Variants in MYRIP observed in about 807,000 individuals in gnomAD.
MYRIP encodes the protein myosin VIIA and Rab interacting protein.
A neutral mutation model predicts 98.0 loss-of-function variants in MYRIP; 49 were observed. That is an observed-to-expected ratio of 0.50 (90% CI 0.40 to 0.63). The LOEUF (loss-of-function observed/expected upper bound fraction) is 0.63, where lower values mean the gene tolerates loss of function less well. MYRIP is among the 30% of genes least tolerant of loss of function. MYRIP has a pLI of 0.00. For missense variants in MYRIP, 1,004 were observed against 1,058.2 expected, an observed-to-expected ratio of 0.95 and a Z score of 0.71; for synonymous variants, 404 against 409.5, an observed-to-expected ratio of 0.99 and a Z score of 0.16.
intron 3 of MYRIP, among the ~76,000 whole-genome samples, chr3:40,057,797 A>G (rs576661712): frequency 1.5e-4 from 23 of 152,326 alleles, no homozygotes; most frequent in African/African-American, 5.5e-4. Context: ...TCCTATATCC[A>G]TGCATTAAGT....
chr3:39,952,337 G>T (rs1945037460), intron 2 of MYRIP, among the ~76,000 whole-genome samples: 2 of 152,068 alleles, frequency 1.3e-5, no homozygotes, highest in South Asian at 4.1e-4. Context: ...TAATGATGCT[G>T]CTGTGAAGAA....
At chr3:39,853,735 C>T (rs985621145) in intron 1 of MYRIP, among the ~76,000 whole-genome samples, 1 of 151,990 alleles carries the variant, frequency 6.6e-6, no homozygotes, top group Non-Finnish European at 1.5e-5. Context: ...ATTTCTTTTG[C>T]TGTGCAGAAG....
intron 2 of MYRIP, among the ~76,000 whole-genome samples, chr3:39,995,304 A>G (rs1055217092): frequency 6.6e-6 from 1 of 152,194 alleles, no homozygotes; most frequent in Non-Finnish European, 1.5e-5. Context: ...AATTAGATGA[A>G]TGGCTAACTA....
intron 3 of MYRIP, among the ~76,000 whole-genome samples, chr3:40,114,475 A>G (rs554712881): frequency 1.3e-5 from 2 of 152,354 alleles, no homozygotes; most frequent in East Asian, 3.9e-4. Flanking sequence ...CATAGCTAAC[A>G]TCAAAAGACA....
chr3:40,131,236 A>G (rs1442222303), intron 3 of MYRIP, among the ~76,000 whole-genome samples: 1 of 152,176 alleles, frequency 6.6e-6, no homozygotes, highest in African/African-American at 2.4e-5. Flanking sequence ...ATATAAGCAA[A>G]GCTTGGTAGT....
At chr3:40,179,810 G>A (rs754264965) in intron 8 of MYRIP, among the ~76,000 whole-genome samples, 2 of 152,228 alleles carry the variant, frequency 1.3e-5, no homozygotes, top group Non-Finnish European at 2.9e-5. Flanking sequence ...GGACAGAGCT[G>A]TGTGATCACA....
At chr3:40,250,571 C>T (rs962486443) in intron 15 of MYRIP, 72 bp downstream of exon 15, 28 of 1,534,102 alleles carry the variant, frequency 1.8e-5, no homozygotes, top group Admixed American at 5.1e-5. Flanking sequence ...AACAAAGAGA[C>T]CTGAGTTTGA....
intron 3 of MYRIP, among the ~76,000 whole-genome samples, chr3:40,123,054 C>T (rs1300997704): frequency 2.0e-5 from 3 of 152,128 alleles, no homozygotes; most frequent in South Asian, 2.1e-4. Context: ...TGTATGAATA[C>T]ATCTAATTTA....
intron 5 of MYRIP, among the ~76,000 whole-genome samples, chr3:40,164,631 G>A (rs1259759168): frequency 6.6e-6 from 1 of 152,172 alleles, no homozygotes; most frequent in Non-Finnish European, 1.5e-5. Context: ...GCCTAGCCAC[G>A]TTGACACATT....
intron 2 of MYRIP, among the ~76,000 whole-genome samples, chr3:39,929,857 T>G (rs1429030735): frequency 6.6e-6 from 1 of 152,160 alleles, no homozygotes. Context: ...TAGGGCTTTT[T>G]CAACTTGGCA....
chr3:39,822,100 T>C (rs1941119066), intron 1 of MYRIP, among the ~76,000 whole-genome samples: 1 of 152,216 alleles, frequency 6.6e-6, no homozygotes, highest in South Asian at 2.1e-4. Flanking sequence ...TGTATACCAT[T>C]ATGAGAAACC....
intron 11 of MYRIP, among the ~76,000 whole-genome samples, chr3:40,215,405 C>A (rs1952086596): frequency 6.6e-6 from 1 of 151,964 alleles, no homozygotes; most frequent in Non-Finnish European, 1.5e-5. Context: ...AGTACTGAGA[C>A]TTCTCTAAAC....
chr3:40,201,799 T>C lies in MYRIP; in HGVS notation c.1666-8055T>C, dbSNP rs533988474. Among the ~76,000 whole-genome samples the C allele has an allele frequency of 6.6e-4, 101 of 152,294 alleles. 1 individual carries two copies. In the South Asian group the frequency reaches 0.015, roughly 23 times the overall value. Reference sequence around the variant, plus strand: ...CTGGGTGCTGTTATCACACCAATTATGAGGAAAACAAATGCCTTATTCACA... The same window carrying C: ...CTGGGTGCTGTTATCACACCAATTACGAGGAAAACAAATGCCTTATTCACA... On this transcript the variant is annotated intron_variant, in intron 10 of 16. Coordinates refer to ENST00000302541, the MANE Select transcript of MYRIP (RefSeq NM_015460.4).
chr3:39,929,875 G>A (rs770304136), intron 2 of MYRIP, among the ~76,000 whole-genome samples: 7 of 151,910 alleles, frequency 4.6e-5, no homozygotes, highest in African/African-American at 1.2e-4. Flanking sequence ...GCATGTTTTC[G>A]AGGTTCATCC....
chr3:40,031,603 C>G (rs969628012), intron 2 of MYRIP, among the ~76,000 whole-genome samples: 1 of 151,982 alleles, frequency 6.6e-6, no homozygotes, highest in East Asian at 1.9e-4. Context: ...ACTGGCTTAG[C>G]GGATCTACAA....
chr3:39,889,438 C>T (rs1276490893), intron 1 of MYRIP, among the ~76,000 whole-genome samples: 2 of 152,028 alleles, frequency 1.3e-5, no homozygotes, highest in Non-Finnish European at 2.9e-5. Context: ...AACAAAAAAC[C>T]AAAGACCACA....
chr3:40,083,864 G>T (rs534474643), intron 3 of MYRIP, among the ~76,000 whole-genome samples: 1 of 152,074 alleles, frequency 6.6e-6, no homozygotes, highest in Non-Finnish European at 1.5e-5. Context: ...TCGGCCGGGC[G>T]CGGTGGCTCA....
At chr3:40,189,666 A>G (rs1297821135) in intron 9 of MYRIP, among the ~76,000 whole-genome samples, 160 bp from the exon 10 acceptor site, 1 of 152,068 alleles carries the variant, frequency 6.6e-6, no homozygotes, top group East Asian at 1.9e-4. Flanking sequence ...GGAACTTTGA[A>G]CTCTGCCCAC....
intron 3 of MYRIP, among the ~76,000 whole-genome samples, chr3:40,078,346 C>T (rs976176345): frequency 5.9e-5 from 9 of 152,192 alleles, no homozygotes; most frequent in African/African-American, 2.2e-4. Flanking sequence ...TGGCCTTGGC[C>T]AGCCCAGAAA....
Sources: allele counts gnomAD v4.1 joint callset (sites outside exome capture counted in the v4.1 genomes callset), GRCh38; gene constraint gnomAD v4.1.1; transcripts MANE v1.5; gene names NCBI Gene and HGNC (gene_info 2026-07-23, HGNC 2026-07-21).